The following RASSF3 variants were observed in gnomAD, a reference collection of about 807,000 sequenced individuals.
RASSF3 encodes ras association domain-containing protein 3.
RASSF3 carries 19 observed loss-of-function variants against 19.9 expected under a neutral mutation model. The observed-to-expected ratio is 0.96, with a 90% CI of 0.67 to 1.40. RASSF3 has a LOEUF of 1.40. Ranked by LOEUF, RASSF3 falls within the 40% of genes most tolerant of loss-of-function variation. The probability of loss-of-function intolerance (pLI) is 0.00; values close to 1 mark genes in which losing one functional copy is unlikely to be tolerated. For missense variants in RASSF3, 306 were observed against 289.8 expected (o/e 1.06, Z -0.41); for synonymous variants, 110 against 104.2 (o/e 1.06, Z -0.34).
chr12:64,669,464 CTTCTT>C lies in RASSF3; in HGVS notation c.112-15320_112-15316del, dbSNP rs201992577. Among the ~76,000 whole-genome samples the C allele has an allele frequency of 4.4e-4, 67 of 152,088 alleles. No individual in the cohort carries two copies. The East Asian group carries it at 0.01, about 24-fold the overall frequency. The stretch of plus-strand genomic sequence containing the variant: ...TCCTGTGTTTAAGACTGTGTTGACT[CTTCTT>C]TTACAGTGTCTGCCACTTGTTTCCT... On this transcript the variant is annotated intron_variant, in intron 1 of 4. Transcript: ENST00000542104.
At chr12:64,517,022 GAA>G (rs1868380340) in intron 1 of RASSF3, among the ~76,000 whole-genome samples, 1 of 118,058 alleles carries the variant, frequency 8.5e-6, no homozygotes, top group East Asian at 2.4e-4. Flanking sequence ...AAAAAAAAAA[GAA>G]AGAGAAAGAA....
At chr12:64,647,135 A>G (rs1592442160) in intron 1 of RASSF3, among the ~76,000 whole-genome samples, 1 of 152,106 alleles carries the variant, frequency 6.6e-6, no homozygotes, top group South Asian at 2.1e-4. Flanking sequence ...TACTAACCCA[A>G]TTTCTTTTAT....
chr12:64,691,473 A>T lies in RASSF3; in HGVS notation c.461A>T (p.Tyr154Phe). 6.2e-7 allele frequency: 1 copy of T among 1,608,790 alleles called. No individual in the cohort carries two copies. The highest frequency in any genetic ancestry group is 8.5e-7 in the Non-Finnish European group (1 of 1,175,218). ...YKRCHREDQV[Y>F]ACKLSDREHP... ...TGCTGCTTGTTTCTTTACCCAGTCTACGCCTGCAAGCTCTCAGACCGGGAA... is the reference window on the plus strand; with the variant it reads ...TGCTGCTTGTTTCTTTACCCAGTCTTCGCCTGCAAGCTCTCAGACCGGGAA... The change falls in exon 4 of 5, where the codon TAC becomes TTC. Residue 154 changes from tyrosine to phenylalanine, a missense_variant. By Grantham distance (22) the Tyr-to-Phe change is conservative. Coordinates refer to ENST00000542104, the MANE Select transcript of RASSF3 (RefSeq NM_178169.4).
chr12:64,550,174 A>G (rs944622541), intron 2 of RASSF3, among the ~76,000 whole-genome samples: 5 of 152,130 alleles, frequency 3.3e-5, no homozygotes, highest in African/African-American at 1.2e-4. Flanking sequence ...TCTAAAGGAG[A>G]TAAATCTTGC....
At chr12:64,627,067 G>A (rs1029529363) in intron 1 of RASSF3, among the ~76,000 whole-genome samples, 2 of 152,172 alleles carry the variant, frequency 1.3e-5, no homozygotes, top group South Asian at 2.1e-4. Flanking sequence ...GGTTAAATCA[G>A]ATAATGTATG....
At chr12:64,543,433 GCCCCC>G (rs1868981657), downstream of RASSF3, among the ~76,000 whole-genome samples, 10 of 13,096 alleles carry the variant, frequency 7.6e-4, no homozygotes, top group East Asian at 6.4e-3. Context: ...CTCCCCGCCC[GCCCCC>G]CCCGTGCCCG....
At chr12:64,662,549 A>G (rs1314389057) in intron 1 of RASSF3, among the ~76,000 whole-genome samples, 3 of 152,190 alleles carry the variant, frequency 2.0e-5, no homozygotes, top group Non-Finnish European at 1.5e-5. Context: ...AGCCTGGGTG[A>G]CAGATTGAGA....
At chr12:64,605,234 C>T (rs1000705075) in intron 2 of RASSF3, among the ~76,000 whole-genome samples, 1 of 152,020 alleles carries the variant, frequency 6.6e-6, no homozygotes, top group Non-Finnish European at 1.5e-5. Flanking sequence ...GATCTGCCTG[C>T]CTCAGCCTCC....
intron 4 of RASSF3, among the ~76,000 whole-genome samples, chr12:64,693,713 A>G (rs1488151764): frequency 6.6e-6 from 1 of 152,200 alleles, no homozygotes; most frequent in African/African-American, 2.4e-5. Context: ...GATTATAGGC[A>G]TGAGCCACAA....
chr12:64,653,808 A>T (rs1386788104), intron 1 of RASSF3, among the ~76,000 whole-genome samples: 2 of 152,136 alleles, frequency 1.3e-5, no homozygotes, highest in Non-Finnish European at 2.9e-5. Flanking sequence ...TTGGCCTCCC[A>T]AAGTGCTGGG....
chr12:64,514,188 CTTTTTTT>C (rs138925359), intron 1 of RASSF3, among the ~76,000 whole-genome samples: 21 of 78,008 alleles, frequency 2.7e-4, no homozygotes, highest in African/African-American at 1.0e-3. Flanking sequence ...CGCTCAGCCT[CTTTTTTT>C]TTTTTTTTTT....
intron 1 of RASSF3, among the ~76,000 whole-genome samples, chr12:64,673,377 A>G (rs1161189357): frequency 2.0e-5 from 3 of 152,140 alleles, no homozygotes; most frequent in South Asian, 2.1e-4. Flanking sequence ...CAATTTTCTT[A>G]CTATCCAGTG....
rs563494660 is a variant in RASSF3 at position 64,592,022 on chromosome 12, C to T, written c.294+50317C>T. On this transcript the variant is annotated intron_variant, in intron 2 of 5. Transcript: ENST00000637125. ...ACCCACGAGATCCTCCCACCTCAGC[C>T]TCCTGAGTAGCTGGGACTACAGGCG... Among the ~76,000 whole-genome samples the T allele has an allele frequency of 1.2e-4, 19 of 152,154 alleles. No homozygotes were observed. In the South Asian group the frequency reaches 3.9e-3, roughly 32 times the overall value.
At chr12:64,561,851 C>A (rs1869352853) in intron 2 of RASSF3, among the ~76,000 whole-genome samples, 1 of 151,568 alleles carries the variant, frequency 6.6e-6, no homozygotes, top group African/African-American at 2.4e-5. Flanking sequence ...CCCAACCACG[C>A]CTGGCTAATT....
intron 3 of RASSF3, 80 bp downstream of exon 3, chr12:64,688,533 G>A: frequency 2.0e-6 from 2 of 1,025,140 alleles, no homozygotes; most frequent in South Asian, 1.3e-5. Context: ...GAAGACTGGT[G>A]GGTCTCATCC....
downstream of RASSF3, among the ~76,000 whole-genome samples, chr12:64,543,589 T>A (rs2136117018): frequency 1.1e-5 from 1 of 88,602 alleles, no homozygotes; most frequent in South Asian, 4.0e-4. Flanking sequence ...CCCCACCCCC[T>A]GTTCCATGGC....
chr12:64,594,715 T>A (rs1869973023), intron 2 of RASSF3, among the ~76,000 whole-genome samples: 1 of 152,134 alleles, frequency 6.6e-6, no homozygotes, highest in South Asian at 2.1e-4. Context: ...AAACACAGCA[T>A]ACCCTTCCCT....
intron 2 of RASSF3, among the ~76,000 whole-genome samples, chr12:64,602,023 G>A (rs1440859490): frequency 4.0e-5 from 6 of 151,606 alleles, no homozygotes; most frequent in East Asian, 3.9e-4. Flanking sequence ...AGGCTGAGGC[G>A]GGAGAATGGG....
chr12:64,695,790 C>T lies in RASSF3; in HGVS notation c.*878C>T, dbSNP rs1404307358. 2 of 152,286 alleles carry T rather than the reference C, an allele frequency of 1.3e-5. No individual in the cohort carries two copies. Among genetic ancestry groups the T allele is most frequent in the Non-Finnish European group, 2.9e-5 (2 of 68,150 alleles). The allele number at this position is 152,286 out of a possible 1,614,324, so 9.4% of individuals were successfully genotyped here. A position where few individuals can be genotyped will look rare whatever the true frequency, so the allele number is the denominator to read the frequency against. ...CGCAGCTGGATCCGACCCTTTAATT[C>T]TGCCCTTTTGGAGTGGAAGGTCTGA... is the stretch of plus-strand genomic sequence containing the variant. On this transcript the variant is annotated 3_prime_UTR_variant, in exon 5 of 5. Transcript: ENST00000542104.
Sources: allele counts gnomAD v4.1 joint callset (sites outside exome capture counted in the v4.1 genomes callset), GRCh38; gene constraint gnomAD v4.1.1; transcripts MANE v1.5; gene names NCBI Gene and HGNC (gene_info 2026-07-23, HGNC 2026-07-21).